The following EED variants were observed in gnomAD, a reference collection of about 807,000 sequenced individuals.
EED encodes the protein embryonic ectoderm development.
EED carries 9 observed loss-of-function variants against 61.0 expected under a neutral mutation model. The ratio of observed to expected loss-of-function variants is 0.15; its 90% CI spans 0.09 to 0.26. The LOEUF is 0.26. Among genes scored for constraint, EED ranks in the 10% least tolerant of loss-of-function variants. EED has a pLI of 1.00. For missense variants in EED, 315 were observed against 542.3 expected (o/e 0.58, Z 4.16); for synonymous variants, 187 against 174.4 (o/e 1.07, Z -0.57).
At chr11:86,245,624 T>TG (rs1052855221) in intron 1 of EED, among the ~76,000 whole-genome samples, 1 of 151,682 alleles carries the variant, frequency 6.6e-6, no homozygotes, top group African/African-American at 2.4e-5. Context: ...TTTTGGCCTT[T>TG]GGGGGGATTT....
chr11:86,286,354 G>A, the EED span, among the ~76,000 whole-genome samples: 7,889 of 152,146 alleles, frequency 0.052, 285 homozygotes, highest in East Asian at 0.14. Flanking sequence ...ATGACAAATA[G>A]GATGAAGTCT....
chr11:86,256,488 T>A lies in EED; in HGVS notation c.528T>A (p.Asn176Lys). 1 of 1,610,880 alleles carries A rather than the reference T, an allele frequency of 6.2e-7. No individual in the cohort carries two copies. Among genetic ancestry groups the A allele is most frequent in the Non-Finnish European group, 8.5e-7 (1 of 1,178,016 alleles). The change falls in exon 5 of 12, where the codon AAT (asparagine) becomes AAA (lysine). Residue 176 changes from asparagine (N) to lysine (K), a missense_variant. Around this residue, in one of 2 missense-constraint regions of EED, gnomAD observed 205 missense variants for 455.4 expected, o/e 0.45. Coordinates refer to ENST00000263360, the MANE Select transcript of EED (RefSeq NM_003797.5). The part of the protein sequence containing the change: ...AGSRGIIRII[N>K]PITMQCIKHY... ...CTAGAGGCATAATTAGGATAATAAA[T>A]CCTATAACAATGCAGTGTATAAAGG... is the stretch of plus-strand genomic sequence containing the variant.
At chr11:86,245,419 C>G in intron 1 of EED, 76 bp downstream of exon 1, 1 of 1,245,064 alleles carries the variant, frequency 8.0e-7, no homozygotes, top group Admixed American at 2.2e-5. Flanking sequence ...GGCGCGGGGA[C>G]GAGCGGGCTG....
intron 9 of EED, among the ~76,000 whole-genome samples, chr11:86,269,220 T>A (rs999468747): frequency 1.3e-5 from 2 of 152,194 alleles, no homozygotes; most frequent in Non-Finnish European, 2.9e-5. Context: ...CAGGAAAAGA[T>A]CAAAATTCAA....
At chr11:86,250,163 A>C in intron 1 of EED, 133 bp from the exon 2 acceptor site, 1 of 732,618 alleles carries the variant, frequency 1.4e-6, no homozygotes, top group Non-Finnish European at 2.0e-6. Flanking sequence ...CCTTATGTGG[A>C]GGCAAGAATA....
chr11:86,259,944 T>C (rs1945784790), intron 6 of EED, among the ~76,000 whole-genome samples: 1 of 152,150 alleles, frequency 6.6e-6, no homozygotes, highest in African/African-American at 2.4e-5. Context: ...ATCTGGCAGT[T>C]CCTCAAAATG....
At chr11:86,278,296 C>T (rs576543129) in intron 11 of EED, 103 bp from the exon 12 acceptor site, 534 of 1,471,290 alleles carry the variant, frequency 3.6e-4, no homozygotes, top group Middle Eastern at 6.9e-4. Context: ...AAGTGCTTTT[C>T]GTATGACTTG....
At chr11:86,254,986 ATAAGTT>A (rs1945633401) in intron 3 of EED, among the ~76,000 whole-genome samples, 2 of 152,264 alleles carry the variant, frequency 1.3e-5, no homozygotes, top group African/African-American at 4.8e-5. Flanking sequence ...TGGATGAAAT[ATAAGTT>A]TAAAAGATTG....
At chr11:86,278,375 C>A in intron 11 of EED, 24 bp from the exon 12 acceptor site, 1 of 1,608,400 alleles carries the variant, frequency 6.2e-7, no homozygotes, top group Non-Finnish European at 8.5e-7. Context: ...TGGTCTTTAA[C>A]CTGTTGTCAT....
rs186094733 is a variant in EED, at chr11:86,258,680, C to T, written c.634+1084C>T. ...AAGAGATTCTCCTGCCTCAGCCTCT[C>T]GAGTAGCTGGGATTACAGGCATGTA... On this transcript the variant is annotated intron_variant, in intron 6 of 11. Transcript: ENST00000263360. Among the ~76,000 whole-genome samples the T allele has an allele frequency of 3.4e-3, 514 of 151,050 alleles. 5 individuals carry two copies. The highest frequency in any genetic ancestry group is 3.2e-3 in the Non-Finnish European group (219 of 67,810).
In EED at chr11:86,249,964, T is replaced by G. The variant is rs550212571; in HGVS notation, c.115-332T>G. Among the ~76,000 whole-genome samples, 7 of 152,328 alleles carry G rather than the reference T, an allele frequency of 4.6e-5. No individual in the cohort carries two copies. In the South Asian group the frequency reaches 6.2e-4, roughly 14 times the overall value. On this transcript the variant is annotated intron_variant, in intron 1 of 11. Transcript: ENST00000263360. ...AGACCAGTTAGGCTTTTTCAGCACTTCCAGTACCTTTTGTAAAGAGCTGTA... is the reference window on the plus strand; with the variant it reads ...AGACCAGTTAGGCTTTTTCAGCACTGCCAGTACCTTTTGTAAAGAGCTGTA...
the EED span, among the ~76,000 whole-genome samples, chr11:86,286,079 G>A: frequency 6.6e-6 from 1 of 152,108 alleles, no homozygotes; most frequent in Non-Finnish European, 1.5e-5. Context: ...CGCCCAGGCT[G>A]GAATGCAGTG....
At chr11:86,282,017 G>A (rs989819603), downstream of EED, among the ~76,000 whole-genome samples, 1 of 152,180 alleles carries the variant, frequency 6.6e-6, no homozygotes, top group South Asian at 2.1e-4. Flanking sequence ...AGTGAAGAGA[G>A]TAGTGAATAC....
intron 6 of EED, among the ~76,000 whole-genome samples, chr11:86,259,318 T>C (rs1945768085): frequency 6.6e-6 from 1 of 151,700 alleles, no homozygotes; most frequent in Non-Finnish European, 1.5e-5. Context: ...AAAATATTTA[T>C]AAATCATTCT....
chr11:86,257,760 G>A (rs1945715208), intron 6 of EED, among the ~76,000 whole-genome samples, 164 bp downstream of exon 6: 1 of 152,146 alleles, frequency 6.6e-6, no homozygotes, highest in Admixed American at 6.5e-5. Flanking sequence ...CCACAACCTT[G>A]CACAAAGGCC....
intron 3 of EED, 81 bp from the exon 4 acceptor site, chr11:86,255,141 C>A: frequency 9.2e-7 from 1 of 1,092,406 alleles, no homozygotes; most frequent in Non-Finnish European, 1.3e-6. Context: ...GATAGGATTG[C>A]GATTAAAATA....
chr11:86,255,090 CAGG>C (rs1342085147), intron 3 of EED, 129 bp from the exon 4 acceptor site: 1 of 613,944 alleles, frequency 1.6e-6, no homozygotes, highest in Non-Finnish European at 2.8e-6. Context: ...TTTAAGCTCA[CAGG>C]AGGTATTTTA....
chr11:86,282,790 C>T (rs143797178), downstream of EED, among the ~76,000 whole-genome samples: 968 of 152,216 alleles, frequency 6.4e-3, 7 homozygotes, highest in African/African-American at 0.022. Context: ...CGAAAGCAGC[C>T]GTAGACAACT....
At chr11:86,259,325 T>C (rs1444616462) in intron 6 of EED, among the ~76,000 whole-genome samples, 1 of 151,740 alleles carries the variant, frequency 6.6e-6, no homozygotes, top group Non-Finnish European at 1.5e-5. Flanking sequence ...TTATAAATCA[T>C]TCTGATAAAG....
Sources: gnomAD v4.1 joint callset for allele counts (sites outside exome capture counted in the v4.1 genomes callset) on GRCh38, gnomAD v4.1.1 for gene constraint, gnomAD v4.1.1 regional missense constraint, MANE v1.5 for transcripts, NCBI Gene and HGNC (gene_info 2026-07-23, HGNC 2026-07-21) for gene names.